The following CPQ variants were observed in gnomAD, a reference collection of about 807,000 sequenced individuals.
CPQ encodes the protein Ser-Met dipeptidase.
A neutral mutation model predicts 45.7 loss-of-function variants in CPQ; 37 were observed. That is an observed-to-expected ratio of 0.81 (90% CI 0.62 to 1.07). CPQ has a LOEUF of 1.07. Ranked by LOEUF, CPQ falls within the 50% of genes least tolerant of loss-of-function variation. CPQ has a pLI of 0.00. For missense variants in CPQ, 537 were observed against 572.9 expected, an observed-to-expected ratio of 0.94 and a Z score of 0.64; for synonymous variants, 186 against 205.8, an observed-to-expected ratio of 0.90 and a Z score of 0.82.
At chr8:96,880,578 C>CA (rs1812211470) in intron 4 of CPQ, among the ~76,000 whole-genome samples, 2 of 93,002 alleles carry the variant, frequency 2.2e-5, no homozygotes, top group African/African-American at 4.3e-5. Context: ...TATATATATA[C>CA]CATGGAATAC....
At position 96,887,321 on chromosome 8, in the gene CPQ, C is replaced by T. The variant is rs142078217; in HGVS notation, c.849+7316C>T. On this transcript the variant is annotated intron_variant, in intron 4 of 7. Coordinates refer to ENST00000220763, the MANE Select transcript of CPQ (RefSeq NM_016134.4). ...TAACATGATCAGTGATAACATCTTA[C>T]GTAACCATAGTACATTAACCTGTTG... is the stretch of plus-strand genomic sequence containing the variant. Among the ~76,000 whole-genome samples the T allele has an allele frequency of 1.5e-3, 222 of 152,248 alleles. 1 individual carries two copies. The highest frequency in any genetic ancestry group is 6.8e-3 in the Middle Eastern group (2 of 294).
At chr8:97,045,790 GTAAACA>G (rs1810245563) in intron 6 of CPQ, among the ~76,000 whole-genome samples, 1 of 152,158 alleles carries the variant, frequency 6.6e-6, no homozygotes, top group Non-Finnish European at 1.5e-5. Flanking sequence ...ACACTAACAC[GTAAACA>G]TCAAAGAGTG....
chr8:96,680,484 A>C (rs1809135091), intron 1 of CPQ: 1 of 152,280 alleles, frequency 6.6e-6, no homozygotes, highest in Non-Finnish European at 1.5e-5. Flanking sequence ...CCATCCATGT[A>C]AGACATGACT....
At chr8:96,683,155 A>G (rs1234799576) in intron 1 of CPQ, among the ~76,000 whole-genome samples, 2 of 151,566 alleles carry the variant, frequency 1.3e-5, no homozygotes, top group Non-Finnish European at 2.9e-5. Context: ...GAGATTATCC[A>G]TTTGCTTTCA....
chr8:96,744,271 A>C (rs142163073), intron 1 of CPQ, among the ~76,000 whole-genome samples: 1,806 of 152,320 alleles, frequency 0.012, 39 homozygotes, highest in African/African-American at 0.039. Flanking sequence ...TTCTTTGACT[A>C]GGAAAGGGAA....
At chr8:97,017,904 G>A (rs906468392) in intron 5 of CPQ, among the ~76,000 whole-genome samples, 1 of 152,036 alleles carries the variant, frequency 6.6e-6, no homozygotes, top group Non-Finnish European at 1.5e-5. Context: ...TCTCTTGAAT[G>A]TGCCACCTCC....
At chr8:96,668,825 C>G (rs765394648) in intron 1 of CPQ, among the ~76,000 whole-genome samples, 2 of 151,502 alleles carry the variant, frequency 1.3e-5, no homozygotes, top group African/African-American at 2.4e-5. Context: ...ATATCTCAGA[C>G]TTAGAGCTGA....
At chr8:96,717,227 C>T (rs1020736016) in intron 1 of CPQ, among the ~76,000 whole-genome samples, 19 of 150,902 alleles carry the variant, frequency 1.3e-4, no homozygotes, top group Non-Finnish European at 2.2e-4. Flanking sequence ...ACTTCTTTTT[C>T]TTTGGGTAGA....
intron 1 of CPQ, among the ~76,000 whole-genome samples, chr8:96,747,281 T>C (rs537686584): frequency 2.1e-5 from 3 of 142,118 alleles, no homozygotes; most frequent in East Asian, 4.0e-4. Context: ...ACAGAGCGAA[T>C]CTTTGTCTCA....
At chr8:97,004,730 A>G (rs1412489834) in intron 5 of CPQ, among the ~76,000 whole-genome samples, 1 of 152,172 alleles carries the variant, frequency 6.6e-6, no homozygotes, top group Non-Finnish European at 1.5e-5. Context: ...AAATACAGAG[A>G]GACTGTGAAA....
chr8:96,810,297 C>T (rs553783103), intron 2 of CPQ, among the ~76,000 whole-genome samples: 1 of 152,286 alleles, frequency 6.6e-6, no homozygotes, highest in South Asian at 2.1e-4. Context: ...CACTTTTATA[C>T]CCTGGTGCCC....
chr8:96,875,443 G>T (rs762825373), intron 3 of CPQ, among the ~76,000 whole-genome samples: 18 of 151,846 alleles, frequency 1.2e-4, no homozygotes, highest in Admixed American at 2.6e-4. Context: ...TACATGTAAG[G>T]CTATGATTCA....
Position 97,031,273 on chromosome 8 carries a change from G to A in CPQ, c.1053+1779G>A, listed in dbSNP as rs186697723. Among the ~76,000 whole-genome samples the A allele has an allele frequency of 1.7e-3, 250 of 144,066 alleles. 3 individuals are homozygous for A. Among genetic ancestry groups the A allele is most frequent in the Admixed American group, 0.014 (190 of 13,678 alleles). 94.5% of individuals were successfully genotyped at this position (144,066 alleles called of 152,430 possible). ...ACCATCTTGGCTCACTGCAACCTCCGCCTCCTGGGTTCAAGTGATTCTCCT... is the reference window on the plus strand; with the variant it reads ...ACCATCTTGGCTCACTGCAACCTCCACCTCCTGGGTTCAAGTGATTCTCCT... On this transcript the variant is annotated intron_variant, in intron 6 of 7. Transcript: ENST00000220763.
At chr8:96,833,670 T>A (rs1253167855) in intron 2 of CPQ, among the ~76,000 whole-genome samples, 1 of 152,196 alleles carries the variant, frequency 6.6e-6, no homozygotes, top group Non-Finnish European at 1.5e-5. Flanking sequence ...GCTGGTGGTT[T>A]CCTTAGTTTC....
chr8:97,128,878 C>G (rs1261809217), intron 7 of CPQ, among the ~76,000 whole-genome samples: 1 of 152,118 alleles, frequency 6.6e-6, no homozygotes, highest in Non-Finnish European at 1.5e-5. Context: ...GATGGTTGGA[C>G]TAGAGAAGTT....
At chr8:97,025,547 G>A (rs1283494610) in intron 5 of CPQ, among the ~76,000 whole-genome samples, 2 of 152,112 alleles carry the variant, frequency 1.3e-5, no homozygotes, top group African/African-American at 2.4e-5. Flanking sequence ...TCCTCCCTGC[G>A]TCTTCAAATT....
intron 4 of CPQ, among the ~76,000 whole-genome samples, chr8:96,880,886 G>A (rs894537610): frequency 1.3e-5 from 2 of 151,888 alleles, no homozygotes; most frequent in African/African-American, 2.4e-5. Flanking sequence ...CACACAATAT[G>A]TCCATATACC....
At chr8:96,992,673 G>A (rs192786176) in intron 5 of CPQ, among the ~76,000 whole-genome samples, 209 of 152,224 alleles carry the variant, frequency 1.4e-3, no homozygotes, top group African/African-American at 4.8e-3. Context: ...TGAGCAAAGA[G>A]TCTGGCCATA....
chr8:96,686,001 A>T (rs1809222394), intron 1 of CPQ, among the ~76,000 whole-genome samples: 2 of 151,922 alleles, frequency 1.3e-5, no homozygotes, highest in African/African-American at 2.4e-5. Flanking sequence ...CTTACTTTGG[A>T]TCTCCTATTT....
Sources: allele counts gnomAD v4.1 joint callset (sites outside exome capture counted in the v4.1 genomes callset), GRCh38; gene constraint gnomAD v4.1.1; transcripts MANE v1.5; gene names NCBI Gene and HGNC (gene_info 2026-07-23, HGNC 2026-07-21).